The following NUP188 variants were observed in gnomAD, a reference collection of about 807,000 sequenced individuals.
NUP188 encodes the protein nucleoporin NUP188.
NUP188 carries 97 observed loss-of-function variants against 223.0 expected under a neutral mutation model. The observed-to-expected ratio is 0.43, with a 90% CI of 0.37 to 0.51. The LOEUF is 0.51. Ranked by LOEUF, NUP188 falls within the 20% of genes least tolerant of loss-of-function variation. The probability of loss-of-function intolerance (pLI) is 0.00; values close to 1 mark genes in which losing one functional copy is unlikely to be tolerated. For synonymous variants in NUP188, 869 were observed against 828.0 expected (o/e 1.05, Z -0.85); for missense variants, 1,947 against 2,175.6 (o/e 0.89, Z 2.09).
At chr9:128,989,482 C>T (rs1308039046) in intron 24 of NUP188, among the ~76,000 whole-genome samples, 8 of 151,918 alleles carry the variant, frequency 5.3e-5, no homozygotes, top group African/African-American at 1.7e-4. Context: ...GGGCGGATCA[C>T]GAGGTCAGGA....
Position 129,005,710 on chromosome 9 carries a change from C to G in NUP188, c.4803C>G (p.Ser1601=), listed in dbSNP as rs756662679. ...ALSFTTPTFD[S]EVAPSFGTLL... is the part of the protein sequence containing the mutation. Reference sequence around the variant, plus strand: ...GCTTTACCACTCCCACCTTTGACTCCGAAGTGGCCCCCTCCTTCGGGACCC... The same window carrying G: ...GCTTTACCACTCCCACCTTTGACTCGGAAGTGGCCCCCTCCTTCGGGACCC... The change falls in exon 41 of 44, where the codon TCC becomes TCG. Residue 1601 remains serine, a synonymous_variant. Transcript: ENST00000372577. The G allele has an allele frequency of 6.2e-7, 1 of 1,613,962 alleles. No homozygotes were observed. Among genetic ancestry groups the G allele is most frequent in the Admixed American group, 1.7e-5 (1 of 59,992 alleles).
In NUP188 at chr9:128,964,536, ATT is replaced by A. The variant is rs61518157; in HGVS notation, c.586-3954_586-3953del. 5.1e-3 allele frequency among the ~76,000 whole-genome samples: 624 copies of A among 122,832 alleles called. 3 individuals carry two copies. The highest frequency in any genetic ancestry group is 0.016 in the African/African-American group (519 of 32,664). 80.6% of individuals were successfully genotyped at this position (122,832 alleles called of 152,430 possible). Reference sequence around the variant, plus strand: ...ACCACCATACCTGGCTAATTTTTGTATTTTTTTTTTTTTTTTTGTAGAGATGG... The same window carrying A: ...ACCACCATACCTGGCTAATTTTTGTATTTTTTTTTTTTTTTGTAGAGATGG... On this transcript the variant is annotated intron_variant, in intron 8 of 43. Coordinates refer to ENST00000372577, the MANE Select transcript of NUP188 (RefSeq NM_015354.3).
rs540213176 is a variant in NUP188 at position 128,974,701 on chromosome 9, A to C, written c.1203+1452A>C. ...CAAATGTCAGATACTATTTAACTTA[A>C]TCTACAGACATTTCAACAAAACTTA... On this transcript the variant is annotated intron_variant, in intron 12 of 43. Transcript: ENST00000372577. 2.6e-5 allele frequency among the ~76,000 whole-genome samples: 4 copies of C among 151,832 alleles called. No individual in the cohort carries two copies. The South Asian group carries it at 8.3e-4, about 32-fold the overall frequency.
intron 12 of NUP188, among the ~76,000 whole-genome samples, chr9:128,975,582 G>A (rs577755223): frequency 2.7e-5 from 4 of 147,778 alleles, no homozygotes; most frequent in East Asian, 2.0e-4. Flanking sequence ...AGTAAGTAGC[G>A]TGATCTCCAC....
intron 8 of NUP188, chr9:128,964,253 C>G (rs528564956): frequency 9.1e-5 from 34 of 373,492 alleles, no homozygotes; most frequent in African/African-American, 7.3e-4. Context: ...TTTGTCTTAT[C>G]AAATTGTCAG....
chr9:128,984,994 T>C lies in NUP188; in HGVS notation c.2056T>C (p.Leu686=). 6.2e-7 allele frequency: 1 copy of C among 1,612,880 alleles called. No individual in the cohort carries two copies. The highest frequency in any genetic ancestry group is 8.5e-7 in the Non-Finnish European group (1 of 1,179,068). ...TGGGGTTACTATTGCCTTTCTGCGCTTGATCACCACCCTTGTCAAGGTACA... is the reference window on the plus strand; with the variant it reads ...TGGGGTTACTATTGCCTTTCTGCGCCTGATCACCACCCTTGTCAAGGTACA... ...EYGVTIAFLR[L]ITTLVKGQLG... Residue 686 remains leucine (L), a synonymous_variant, in exon 20 of 44, where the codon TTG becomes CTG. Coordinates refer to ENST00000372577, the MANE Select transcript of NUP188 (RefSeq NM_015354.3).
At chr9:128,968,366 A>G (rs1445429348) in intron 8 of NUP188, 140 bp from the exon 9 acceptor site, 3 of 644,342 alleles carry the variant, frequency 4.7e-6, no homozygotes, top group Non-Finnish European at 8.1e-6. Flanking sequence ...AGTTGCGTGT[A>G]GCAGTTTGAG....
At chr9:128,953,052 G>A (rs1841816772) in intron 3 of NUP188, among the ~76,000 whole-genome samples, 1 of 151,452 alleles carries the variant, frequency 6.6e-6, no homozygotes, top group African/African-American at 2.5e-5. Context: ...ATACAGTATT[G>A]TAGAATATAA....
At chr9:128,959,960 C>A (rs1193696662) in intron 8 of NUP188, among the ~76,000 whole-genome samples, 1 of 151,434 alleles carries the variant, frequency 6.6e-6, no homozygotes, top group Non-Finnish European at 1.5e-5. Context: ...ACTTTCATTT[C>A]TTACCTAAAA....
Position 128,983,215 on chromosome 9 carries a change from G to A in NUP188, c.1797-78G>A, listed in dbSNP as rs2085413938. ...CTGCTGAGGGGAGAGACTGGGGAGA[G>A]AGAAGTGGAAAAATGTTTGTGAGGG... On this transcript the variant is annotated intron_variant, in intron 17 of 43. Transcript: ENST00000372577. 12 of 1,425,216 alleles carry A rather than the reference G, an allele frequency of 8.4e-6. No individual in the cohort carries two copies. In the Admixed American group the frequency reaches 1.0e-4, roughly 12 times the overall value. 88.3% of individuals were successfully genotyped at this position (1,425,216 alleles called of 1,614,324 possible). A position where few individuals can be genotyped will look rare whatever the true frequency, so the allele number is the denominator to read the frequency against.
chr9:128,994,762 C>T (rs1842490808), intron 28 of NUP188, 94 bp from the exon 29 acceptor site: 1 of 1,041,514 alleles, frequency 9.6e-7, no homozygotes, highest in African/African-American at 1.6e-5. Flanking sequence ...ACTTGTTCTG[C>T]AAGTGTTGGG....
Position 128,993,514 on chromosome 9 carries a change from C to T in NUP188, c.2848-11C>T. 6.2e-7 allele frequency: 1 copy of T among 1,613,950 alleles called. No homozygotes were observed. The highest frequency in any genetic ancestry group is 2.2e-5 in the East Asian group (1 of 44,884). On this transcript the variant is annotated splice_polypyrimidine_tract_variant and intron_variant, in intron 26 of 43. Transcript: ENST00000372577. ...CTGTGGAACTGAACTCTTACCTGTC[C>T]CTTCTTGCAGGAATTCAGCCTTGGG...
At chr9:128,952,540 T>A (rs1841806190) in intron 2 of NUP188, among the ~76,000 whole-genome samples, 1 of 151,964 alleles carries the variant, frequency 6.6e-6, no homozygotes, top group African/African-American at 2.4e-5. Flanking sequence ...CTAGCCAACA[T>A]GGTGAAACTC....
At position 128,957,044 on chromosome 9, in the gene NUP188, A is replaced by T; in HGVS notation, c.327+12A>T. The T allele has an allele frequency of 6.4e-7, 1 of 1,568,616 alleles. No homozygotes were observed. The highest frequency in any genetic ancestry group is 1.8e-5 in the Admixed American group (1 of 55,974). ...GGGACTCAGTAAAGGTTTGTGGTTT[A>T]TGTCAGCTCCTTTCTTCTGCCTTTA... On this transcript the variant is annotated intron_variant, in intron 5 of 43. Coordinates refer to ENST00000372577, the MANE Select transcript of NUP188 (RefSeq NM_015354.3).
Position 129,005,638 on chromosome 9 carries a change from C to T in NUP188, c.4738-7C>T, listed in dbSNP as rs528224124. On this transcript the variant is annotated splice_polypyrimidine_tract_variant and splice_region_variant and intron_variant, in intron 40 of 43. Coordinates refer to ENST00000372577, the MANE Select transcript of NUP188 (RefSeq NM_015354.3). ...GGGTCCTGGATGGCTCTTGTCTTTTCTCGCAGTCCCTGGACCTTGCTGAAT... is the reference window on the plus strand; with the variant it reads ...GGGTCCTGGATGGCTCTTGTCTTTTTTCGCAGTCCCTGGACCTTGCTGAAT... 2.8e-5 allele frequency: 45 copies of T among 1,612,798 alleles called. No homozygotes were observed. The highest frequency in any genetic ancestry group is 3.6e-5 in the Non-Finnish European group (42 of 1,179,256).
intron 11 of NUP188, 137 bp downstream of exon 11, chr9:128,971,095 G>T: frequency 1.5e-6 from 1 of 685,448 alleles, no homozygotes; most frequent in Non-Finnish European, 2.6e-6. Flanking sequence ...ACATCATCAG[G>T]CATTATTTAT....
In NUP188 at chr9:128,959,142, G is replaced by A. The variant is rs1841910194; in HGVS notation, c.585+8G>A. On this transcript the variant is annotated splice_region_variant and intron_variant, in intron 8 of 43. Transcript: ENST00000372577. Reference sequence around the variant, plus strand: ...ACACATGGAAATCTCATGGTATGTGGTTACTGTGCTCTCCTGTAACTTTTT... The same window carrying A: ...ACACATGGAAATCTCATGGTATGTGATTACTGTGCTCTCCTGTAACTTTTT... 1.3e-6 allele frequency: 2 copies of A among 1,575,560 alleles called. No individual in the cohort carries two copies. The highest frequency in any genetic ancestry group is 2.3e-5 in the East Asian group (1 of 44,018).
chr9:128,951,773 G>A (rs1841790949), intron 2 of NUP188, among the ~76,000 whole-genome samples: 1 of 151,598 alleles, frequency 6.6e-6, no homozygotes, highest in Non-Finnish European at 1.5e-5. Context: ...GTAATACTTA[G>A]TGTGATTCTG....
intron 37 of NUP188, 124 bp from the exon 38 acceptor site, chr9:129,003,193 G>A: frequency 2.4e-6 from 3 of 1,268,076 alleles, no homozygotes; most frequent in Non-Finnish European, 3.3e-6. Context: ...GTACCACTAA[G>A]CCATTTCTTT....
Sources: allele counts gnomAD v4.1 joint callset (sites outside exome capture counted in the v4.1 genomes callset), GRCh38; gene constraint gnomAD v4.1.1; transcripts MANE v1.5; gene names NCBI Gene and HGNC (gene_info 2026-07-23, HGNC 2026-07-21).